OPCML: variants seen among roughly 807,000 people sequenced by gnomAD.
OPCML encodes the protein opioid binding protein/cell adhesion molecule like, also known as opioid-binding protein/cell adhesion molecule.
OPCML carries 13 observed loss-of-function variants against 37.8 expected under a neutral mutation model. That is an observed-to-expected ratio of 0.34 (90% CI 0.22 to 0.55). The LOEUF is 0.55. OPCML is among the 20% of genes least tolerant of loss of function. The pLI is 0.91. For synonymous variants in OPCML, 176 were observed against 168.8 expected (o/e 1.04, Z -0.33); for missense variants, 341 against 435.6 (o/e 0.78, Z 1.93).
At chr11:132,567,364 C>T (rs150782656) in intron 3 of OPCML, among the ~76,000 whole-genome samples, 1 of 152,272 alleles carries the variant, frequency 6.6e-6, no homozygotes, top group East Asian at 1.9e-4. Flanking sequence ...CTAAACTGTG[C>T]TACAGGATAA....
At chr11:133,113,925 GCA>G (rs1949294041) in intron 1 of OPCML, among the ~76,000 whole-genome samples, 1 of 152,182 alleles carries the variant, frequency 6.6e-6, no homozygotes, top group African/African-American at 2.4e-5. Flanking sequence ...GAAAAGCAGT[GCA>G]AGCTTTTTAG....
chr11:132,967,577 A>G (rs1309815768), intron 1 of OPCML, among the ~76,000 whole-genome samples: 2 of 152,132 alleles, frequency 1.3e-5, no homozygotes, highest in Non-Finnish European at 2.9e-5. Flanking sequence ...TACTGTTGTT[A>G]TTGTCAGATA....
chr11:132,562,770 G>C (rs1215128837), intron 3 of OPCML, among the ~76,000 whole-genome samples: 3 of 151,984 alleles, frequency 2.0e-5, no homozygotes, highest in Non-Finnish European at 4.4e-5. Flanking sequence ...CTTTGGGTTG[G>C]GGGGTGCATT....
At chr11:132,535,079 T>C (rs866194981) in intron 3 of OPCML, among the ~76,000 whole-genome samples, 1 of 148,632 alleles carries the variant, frequency 6.7e-6, no homozygotes, top group Non-Finnish European at 1.5e-5. Flanking sequence ...ATATATTGTA[T>C]ATTATATTTA....
At chr11:132,675,342 A>G (rs1196778094) in intron 2 of OPCML, among the ~76,000 whole-genome samples, 1 of 152,080 alleles carries the variant, frequency 6.6e-6, no homozygotes, top group African/African-American at 2.4e-5. Context: ...ACACACAATG[A>G]CACAATGTAT....
At chr11:133,259,007 A>C (rs1941410444) in intron 1 of OPCML, among the ~76,000 whole-genome samples, 1 of 152,208 alleles carries the variant, frequency 6.6e-6, no homozygotes, top group South Asian at 2.1e-4. Context: ...AATTAAATTA[A>C]ATCAGAAGCA....
At chr11:133,163,949 G>C (rs1056176266) in intron 1 of OPCML, among the ~76,000 whole-genome samples, 10 of 152,176 alleles carry the variant, frequency 6.6e-5, no homozygotes, top group African/African-American at 2.2e-4. Context: ...ATTCTCTCCT[G>C]TTAATGAACT....
chr11:133,456,897 A>G (rs1419457968), intron 1 of OPCML, among the ~76,000 whole-genome samples: 1 of 152,176 alleles, frequency 6.6e-6, no homozygotes, highest in African/African-American at 2.4e-5. Context: ...TGGACAAAAT[A>G]TATACTATCA....
At chr11:132,762,804 C>T (rs1474495860) in intron 2 of OPCML, among the ~76,000 whole-genome samples, 1 of 152,106 alleles carries the variant, frequency 6.6e-6, no homozygotes, top group Non-Finnish European at 1.5e-5. Context: ...GCTTCAGCCC[C>T]CTTTCCAGGG....
At chr11:132,532,529 G>A (rs1422309698) in intron 3 of OPCML, among the ~76,000 whole-genome samples, 1 of 152,112 alleles carries the variant, frequency 6.6e-6, no homozygotes, top group Non-Finnish European at 1.5e-5. Context: ...AGAAACTGAG[G>A]CATGGGGAGA....
intron 4 of OPCML, among the ~76,000 whole-genome samples, chr11:132,506,165 C>T (rs2096256379): frequency 6.6e-6 from 1 of 152,110 alleles, no homozygotes; most frequent in Admixed American, 6.5e-5. Flanking sequence ...GGATTTTATG[C>T]TCAGGAAATA....
intron 4 of OPCML, among the ~76,000 whole-genome samples, chr11:132,479,590 A>C (rs574532262): frequency 6.6e-6 from 1 of 152,346 alleles, no homozygotes; most frequent in Non-Finnish European, 1.5e-5. Flanking sequence ...ACAAACAAAA[A>C]GACAGCAGTA....
At chr11:132,474,207 T>G (rs576907676) in intron 4 of OPCML, among the ~76,000 whole-genome samples, 1 of 152,136 alleles carries the variant, frequency 6.6e-6, no homozygotes, top group Non-Finnish European at 1.5e-5. Flanking sequence ...GAGAGATGGA[T>G]TGGGTCAGGT....
chr11:132,665,388 C>T lies in OPCML; in HGVS notation c.147-8069G>A, dbSNP rs117311376. Among the ~76,000 whole-genome samples the T allele has an allele frequency of 9.0e-3, 1,369 of 152,280 alleles. 12 individuals carry two copies. The highest frequency in any genetic ancestry group is 0.015 in the Non-Finnish European group (1,001 of 68,018). ...CCCACAAGCACAGTGAGGGCTCTACCTGAATGCAGAAAGCAATTTCTCACA... is the reference window on the plus strand; with the variant it reads ...CCCACAAGCACAGTGAGGGCTCTACTTGAATGCAGAAAGCAATTTCTCACA... On this transcript the variant is annotated intron_variant, in intron 2 of 7. Coordinates refer to ENST00000524381, the MANE Select transcript of OPCML (RefSeq NM_001012393.5).
chr11:133,011,559 A>C (rs1459085034), intron 1 of OPCML, among the ~76,000 whole-genome samples: 2 of 152,072 alleles, frequency 1.3e-5, no homozygotes, highest in African/African-American at 2.4e-5. Context: ...AACTTTCTAA[A>C]ATTAAAGTTA....
At chr11:132,911,059 A>G (rs1375636841) in intron 2 of OPCML, among the ~76,000 whole-genome samples, 1 of 152,262 alleles carries the variant, frequency 6.6e-6, no homozygotes, top group Non-Finnish European at 1.5e-5. Context: ...ACATCTGGAT[A>G]TTAACGCTGC....
intron 2 of OPCML, among the ~76,000 whole-genome samples, chr11:132,867,982 T>C (rs1263472639): frequency 6.6e-6 from 1 of 152,154 alleles, no homozygotes; most frequent in East Asian, 1.9e-4. Context: ...CTCTCGGGGC[T>C]CCGTGTTCAA....
At position 132,640,108 on chromosome 11, in the gene OPCML, C is replaced by T. The variant is rs538314124; in HGVS notation, c.379+16979G>A. Among the ~76,000 whole-genome samples the T allele has an allele frequency of 1.4e-3, 216 of 152,330 alleles. 2 individuals are homozygous for T. The highest frequency in any genetic ancestry group is 0.012 in the South Asian group (57 of 4,826). On this transcript the variant is annotated intron_variant, in intron 3 of 7. Transcript: ENST00000524381. ...AGAAACCTCAGAAGAACCTGCTCAC[C>T]CTGGCAGAGTTGCCCTGCCAGCATT...
chr11:132,477,076 T>C (rs954448574), intron 4 of OPCML, among the ~76,000 whole-genome samples: 4 of 152,224 alleles, frequency 2.6e-5, no homozygotes, highest in Non-Finnish European at 5.9e-5. Flanking sequence ...CAATAATACA[T>C]GGACTCTCAT....
Sources: gnomAD v4.1 joint callset for allele counts (sites outside exome capture counted in the v4.1 genomes callset) on GRCh38, gnomAD v4.1.1 for gene constraint, MANE v1.5 for transcripts, NCBI Gene and HGNC (gene_info 2026-07-23, HGNC 2026-07-21) for gene names.